Variants in EIF2S2 observed in about 807,000 individuals in gnomAD.
The protein encoded by EIF2S2 is eukaryotic translation initiation factor 2 subunit beta, also known as eukaryotic translation initiation factor 2 subunit 2.
EIF2S2 carries 4 observed loss-of-function variants against 44.0 expected under a neutral mutation model. The observed-to-expected ratio is 0.09, with a 90% confidence interval of 0.04 to 0.21. The LOEUF is 0.21. Among genes scored for constraint, EIF2S2 ranks in the 10% least tolerant of loss-of-function variants. The pLI, the probability that EIF2S2 is intolerant of heterozygous loss-of-function variation, is 1.00. For synonymous variants in EIF2S2, 108 were observed against 128.3 expected (o/e 0.84, Z 1.07); for missense variants, 154 against 392.0 (o/e 0.39, Z 5.13).
intron 3 of EIF2S2, among the ~76,000 whole-genome samples, chr20:34,102,886 G>A (rs986535522): frequency 6.6e-6 from 1 of 152,052 alleles, no homozygotes; most frequent in Non-Finnish European, 1.5e-5. Context: ...CTGCCCACCT[G>A]TTACTTACTC....
chr20:34,095,062 T>TA (rs139807874), intron 6 of EIF2S2, among the ~76,000 whole-genome samples: 2,506 of 152,306 alleles, frequency 0.016, 38 homozygotes, highest in Middle Eastern at 0.075. Context: ...GATACATGTA[T>TA]AAAGATGTTC....
intron 6 of EIF2S2, 43 bp from the exon 7 acceptor site, chr20:34,093,774 A>T (rs778715832): frequency 3.3e-6 from 5 of 1,516,646 alleles, no homozygotes; most frequent in Non-Finnish European, 4.5e-6. Flanking sequence ...CTCTCATGGA[A>T]ATCTCACCAA....
chr20:34,097,862 A>C (rs770762297), intron 4 of EIF2S2, among the ~76,000 whole-genome samples: 4 of 152,242 alleles, frequency 2.6e-5, no homozygotes, highest in Non-Finnish European at 5.9e-5. Flanking sequence ...AACATCCATA[A>C]AACTCATCTA....
At chr20:34,092,903 CTG>C (rs2034184109) in intron 7 of EIF2S2, among the ~76,000 whole-genome samples, 1 of 152,342 alleles carries the variant, frequency 6.6e-6, no homozygotes, top group South Asian at 2.1e-4. Flanking sequence ...TCTATCTTGA[CTG>C]TGCCACTAAC....
intron 2 of EIF2S2, among the ~76,000 whole-genome samples, 153 bp downstream of exon 2, chr20:34,105,215 C>G (rs939864847): frequency 2.6e-5 from 4 of 152,214 alleles, no homozygotes; most frequent in Non-Finnish European, 5.9e-5. Context: ...TATCAGAAAT[C>G]TAAAAAGGTC....
chr20:34,098,523 C>T lies in EIF2S2; in HGVS notation c.408G>A (p.Glu136=). 1 of 1,613,758 alleles carries T rather than the reference C, an allele frequency of 6.2e-7. No homozygotes were observed. The highest frequency in any genetic ancestry group is 8.5e-7 in the Non-Finnish European group (1 of 1,179,926). The change falls in exon 4 of 9, where the codon GAG becomes GAA. Residue 136 remains glutamate (E), a synonymous_variant. Coordinates refer to ENST00000374980, the MANE Select transcript of EIF2S2 (RefSeq NM_003908.5). The stretch of plus-strand genomic sequence containing the variant: ...CTTCATCTTTCTCTAGTATTTCATC[C>T]TCATCTGGGAACTTAACATTCTTCT... ...KKKKNVKFPD[E]DEILEKDEAL... is the part of the protein sequence containing the mutation.
intron 6 of EIF2S2, 53 bp from the exon 7 acceptor site, chr20:34,093,784 A>G: frequency 6.8e-7 from 1 of 1,466,034 alleles, no homozygotes; most frequent in East Asian, 2.4e-5. Context: ...AATCTCACCA[A>G]ACTTCTAAAA....
In EIF2S2 at chr20:34,088,795, T is replaced by C. The variant is rs1046065394; in HGVS notation, c.*935A>G. On this transcript the variant is annotated 3_prime_UTR_variant, in exon 9 of 9. Coordinates refer to ENST00000374980, the MANE Select transcript of EIF2S2 (RefSeq NM_003908.5). ...ACAAGCAGCATTTCTTGGTTTCTCA[T>C]GGTCATATTCAAAAGCGACTTTTAA... 6.6e-6 allele frequency: 1 copy of C among 152,188 alleles called. No individual in the cohort carries two copies. The highest frequency in any genetic ancestry group is 2.4e-5 in the African/African-American group (1 of 41,428). The allele number at this position is 152,188 out of a possible 1,614,324, so 9.4% of individuals were successfully genotyped here.
chr20:34,096,204 G>A (rs908220768), intron 6 of EIF2S2, among the ~76,000 whole-genome samples: 2 of 151,940 alleles, frequency 1.3e-5, no homozygotes, highest in African/African-American at 4.8e-5. Flanking sequence ...CATCCTCAGT[G>A]GGTCAGCATG....
intron 7 of EIF2S2, among the ~76,000 whole-genome samples, chr20:34,092,207 C>G (rs947035123): frequency 6.6e-6 from 1 of 152,124 alleles, no homozygotes; most frequent in Non-Finnish European, 1.5e-5. Context: ...GGAATTTTCT[C>G]GAAAACCCAT....
chr20:34,096,886 C>T, intron 5 of EIF2S2, 81 bp from the exon 6 acceptor site: 1 of 1,397,880 alleles, frequency 7.2e-7, no homozygotes, highest in Non-Finnish European at 9.7e-7. Context: ...TGTTGCTTAA[C>T]AGCAAATACT....
intron 1 of EIF2S2, among the ~76,000 whole-genome samples, chr20:34,107,621 A>T (rs1194635131): frequency 3.9e-5 from 6 of 152,236 alleles, no homozygotes; most frequent in Non-Finnish European, 8.8e-5. Flanking sequence ...CCTATCACTG[A>T]AATTTCATCA....
intron 3 of EIF2S2, among the ~76,000 whole-genome samples, chr20:34,100,623 G>GA (rs2034284818): frequency 6.6e-6 from 1 of 152,066 alleles, no homozygotes; most frequent in South Asian, 2.1e-4. Flanking sequence ...TAGCAGTTGT[G>GA]AGCCAAGAAC....
intron 3 of EIF2S2, among the ~76,000 whole-genome samples, chr20:34,101,683 T>TG: frequency 6.6e-6 from 1 of 150,562 alleles, no homozygotes; most frequent in East Asian, 1.9e-4. Flanking sequence ...TTCTTTTTTT[T>TG]TTTTTTTTTG....
intron 3 of EIF2S2, among the ~76,000 whole-genome samples, chr20:34,099,273 C>T (rs184224109): frequency 6.6e-6 from 1 of 151,814 alleles, no homozygotes; most frequent in Non-Finnish European, 1.5e-5. Context: ...AGAGGAATCG[C>T]TTGAACCCAG....
At position 34,112,238 on chromosome 20, in the gene EIF2S2, A is replaced by C; in HGVS notation, c.-128T>G. ...CTAGGCTCTTGCATCAGCGAAAGGA[A>C]ACGACACCCCGCCCTCTCCTCCAAG... On this transcript the variant is annotated 5_prime_UTR_variant, in exon 1 of 9. Coordinates refer to ENST00000374980, the MANE Select transcript of EIF2S2 (RefSeq NM_003908.5). 9.4e-7 allele frequency: 1 copy of C among 1,058,732 alleles called. No individual in the cohort carries two copies. The highest frequency in any genetic ancestry group is 1.3e-6 in the Non-Finnish European group (1 of 788,772). 65.6% of individuals were successfully genotyped at this position (1,058,732 alleles called of 1,614,324 possible).
chr20:34,092,176 T>A (rs1050310861), intron 7 of EIF2S2, among the ~76,000 whole-genome samples: 4 of 152,228 alleles, frequency 2.6e-5, no homozygotes, highest in African/African-American at 4.8e-5. Context: ...AAATTCTTTT[T>A]CATTCACTGT....
At chr20:34,099,887 C>CGTG (rs2034275779) in intron 3 of EIF2S2, among the ~76,000 whole-genome samples, 1 of 152,164 alleles carries the variant, frequency 6.6e-6, no homozygotes, top group South Asian at 2.1e-4. Context: ...GGAGGGCAGG[C>CGTG]GTGGAGCTGC....
chr20:34,111,242 T>C (rs1469141614), intron 1 of EIF2S2, among the ~76,000 whole-genome samples: 2 of 152,220 alleles, frequency 1.3e-5, no homozygotes, highest in African/African-American at 4.8e-5. Flanking sequence ...GCCCTTGTGA[T>C]CAAGGCTTCC....
Sources: allele counts gnomAD v4.1 joint callset (sites outside exome capture counted in the v4.1 genomes callset), GRCh38; gene constraint gnomAD v4.1.1; transcripts MANE v1.5; gene names NCBI Gene and HGNC (gene_info 2026-07-23, HGNC 2026-07-21).